Variants in KHDRBS2 observed in about 807,000 individuals in gnomAD.
The protein encoded by KHDRBS2 is KH RNA binding domain containing, signal transduction associated 2.
A neutral mutation model predicts 44.3 loss-of-function variants in KHDRBS2; 26 were observed. The observed-to-expected ratio is 0.59, with a 90% CI of 0.43 to 0.81. The LOEUF is 0.81. Ranked by LOEUF, KHDRBS2 falls within the 40% of genes least tolerant of loss-of-function variation. KHDRBS2 has a pLI of 0.00. For missense variants in KHDRBS2, 476 were observed against 433.1 expected, an observed-to-expected ratio of 1.10 and a Z score of -0.88; for synonymous variants, 194 against 151.1, an observed-to-expected ratio of 1.28 and a Z score of -2.08.
At chr6:61,769,229 C>A (rs548590446) in intron 6 of KHDRBS2, among the ~76,000 whole-genome samples, 3 of 152,104 alleles carry the variant, frequency 2.0e-5, no homozygotes, top group Non-Finnish European at 4.4e-5. Flanking sequence ...CGGAGCCCAG[C>A]ATGAGCAACA....
the KHDRBS2 span, among the ~76,000 whole-genome samples, chr6:61,561,678 G>A: frequency 6.6e-6 from 1 of 152,204 alleles, no homozygotes; most frequent in South Asian, 2.1e-4. Context: ...GTTCACTTAA[G>A]GCCAAAAGAC....
intron 6 of KHDRBS2, among the ~76,000 whole-genome samples, chr6:61,748,130 C>A (rs1449086174): frequency 6.6e-6 from 1 of 152,080 alleles, no homozygotes; most frequent in African/African-American, 2.4e-5. Flanking sequence ...GCTGCGATTA[C>A]AGGCACCTGC....
chr6:62,230,464 C>T (rs1340310599), intron 1 of KHDRBS2, among the ~76,000 whole-genome samples: 1 of 152,100 alleles, frequency 6.6e-6, no homozygotes, highest in Non-Finnish European at 1.5e-5. Context: ...CAATGACCTT[C>T]CATCTTTTTA....
intron 6 of KHDRBS2, among the ~76,000 whole-genome samples, chr6:61,800,287 T>C (rs1786051267): frequency 6.6e-6 from 1 of 152,122 alleles, no homozygotes; most frequent in East Asian, 1.9e-4. Flanking sequence ...CTACATAGTG[T>C]ATTGTTAGAA....
the KHDRBS2 span, among the ~76,000 whole-genome samples, chr6:61,574,719 A>C: frequency 6.6e-6 from 1 of 152,190 alleles, no homozygotes; most frequent in South Asian, 2.1e-4. Flanking sequence ...AGCCTGGCCA[A>C]CATGGTGGGT....
the KHDRBS2 span, among the ~76,000 whole-genome samples, chr6:61,603,937 G>A: frequency 2.0e-5 from 3 of 151,944 alleles, no homozygotes; most frequent in African/African-American, 7.3e-5. Flanking sequence ...TTTATTGATG[G>A]CGGTTCCACC....
intron 4 of KHDRBS2, among the ~76,000 whole-genome samples, chr6:61,959,926 C>T (rs533481791): frequency 2.2e-4 from 33 of 152,202 alleles, no homozygotes; most frequent in Admixed American, 9.2e-4. Flanking sequence ...TCCTTTTCAA[C>T]GGACTCAAGG....
At chr6:62,007,792 C>A (rs1208929958) in intron 3 of KHDRBS2, among the ~76,000 whole-genome samples, 2 of 151,984 alleles carry the variant, frequency 1.3e-5, no homozygotes, top group Non-Finnish European at 2.9e-5. Flanking sequence ...AAAAAAACCC[C>A]AAACCTGCTG....
At chr6:61,581,195 T>C in the KHDRBS2 span, among the ~76,000 whole-genome samples, 1 of 151,312 alleles carries the variant, frequency 6.6e-6, no homozygotes, top group Non-Finnish European at 1.5e-5. Context: ...AAATGTGCCA[T>C]GCAAAAGTGC....
chr6:61,795,839 C>T (rs1357678810), intron 6 of KHDRBS2, among the ~76,000 whole-genome samples: 1 of 152,002 alleles, frequency 6.6e-6, no homozygotes, highest in Non-Finnish European at 1.5e-5. Context: ...TTTCAGTACA[C>T]TTGATTACTT....
intron 6 of KHDRBS2, among the ~76,000 whole-genome samples, chr6:61,804,877 C>T (rs1382263112): frequency 6.6e-6 from 1 of 152,132 alleles, no homozygotes; most frequent in Non-Finnish European, 1.5e-5. Context: ...GGAAGAACTG[C>T]CACGAAGGCC....
At chr6:62,199,746 C>G (rs980426415) in intron 1 of KHDRBS2, among the ~76,000 whole-genome samples, 1 of 151,948 alleles carries the variant, frequency 6.6e-6, no homozygotes, top group Non-Finnish European at 1.5e-5. Context: ...TTAAAGTTCA[C>G]ATGGAACCAA....
chr6:61,559,827 A>ATTG, the KHDRBS2 span, among the ~76,000 whole-genome samples: 1 of 152,206 alleles, frequency 6.6e-6, no homozygotes. Flanking sequence ...GTCTTTCTGC[A>ATTG]TAACATATGA....
chr6:62,157,293 C>T (rs769249366), intron 2 of KHDRBS2, among the ~76,000 whole-genome samples: 3 of 151,646 alleles, frequency 2.0e-5, no homozygotes, highest in Non-Finnish European at 4.4e-5. Context: ...CGCCACTGCA[C>T]TGCAGCCTGA....
At chr6:61,999,958 T>C (rs1169651397) in intron 3 of KHDRBS2, among the ~76,000 whole-genome samples, 2 of 152,156 alleles carry the variant, frequency 1.3e-5, no homozygotes, top group Non-Finnish European at 2.9e-5. Context: ...ACTACTATAA[T>C]AGCAAAACAA....
chr6:61,742,646 T>C (rs991089114), intron 6 of KHDRBS2, among the ~76,000 whole-genome samples: 1 of 152,050 alleles, frequency 6.6e-6, no homozygotes. Flanking sequence ...TGGGATGATA[T>C]GGCAATGGTT....
chr6:62,034,179 C>A (rs1043804572), intron 3 of KHDRBS2, among the ~76,000 whole-genome samples: 7 of 151,740 alleles, frequency 4.6e-5, no homozygotes, highest in African/African-American at 1.7e-4. Flanking sequence ...AATAAAAAGT[C>A]TCTCCATAAA....
At chr6:61,561,751 C>T in the KHDRBS2 span, among the ~76,000 whole-genome samples, 1 of 152,136 alleles carries the variant, frequency 6.6e-6, no homozygotes, top group Non-Finnish European at 1.5e-5. Flanking sequence ...GCAGTGGGCT[C>T]CTCTCTGGCC....
chr6:61,941,103 T>G (rs1318436123), intron 4 of KHDRBS2, among the ~76,000 whole-genome samples: 1 of 152,144 alleles, frequency 6.6e-6, no homozygotes, highest in Non-Finnish European at 1.5e-5. Flanking sequence ...CAGCTTGGCT[T>G]TGCCATAGCC....
Sources: gnomAD v4.1 joint callset for allele counts (sites outside exome capture counted in the v4.1 genomes callset) on GRCh38, gnomAD v4.1.1 for gene constraint, MANE v1.5 for transcripts, NCBI Gene and HGNC (gene_info 2026-07-23, HGNC 2026-07-21) for gene names.